Variants in PROM1 observed in about 807,000 individuals in gnomAD.
The protein encoded by PROM1 is prominin 1, also known as prominin-1.
Under a neutral mutation model 116.9 loss-of-function variants are expected in PROM1, and 105 were observed. That is an observed-to-expected ratio of 0.90 (90% CI 0.77 to 1.06). The LOEUF is 1.06. PROM1 is among the 50% of genes least tolerant of loss of function. The pLI is 0.00. For synonymous variants in PROM1, 393 were observed against 387.0 expected, an observed-to-expected ratio of 1.02 and a Z score of -0.18; for missense variants, 1,122 against 1,045.2, an observed-to-expected ratio of 1.07 and a Z score of -1.01.
At chr4:15,989,918 G>A (rs1212074959) in intron 18 of PROM1, 94 bp from the exon 19 acceptor site, 4 of 970,840 alleles carry the variant, frequency 4.1e-6, no homozygotes, top group East Asian at 5.3e-5. Context: ...CAGGAGGGCT[G>A]CCATGACATA....
At chr4:16,044,652 GAATAA>G (rs374240231) in intron 2 of PROM1, among the ~76,000 whole-genome samples, 143 of 152,292 alleles carry the variant, frequency 9.4e-4, no homozygotes, top group African/African-American at 3.2e-3. Flanking sequence ...AAAAGACACA[GAATAA>G]AATAATATTC....
At chr4:16,005,378 A>T (rs1444124626) in intron 13 of PROM1, among the ~76,000 whole-genome samples, 4 of 152,088 alleles carry the variant, frequency 2.6e-5, no homozygotes, top group Non-Finnish European at 5.9e-5. Context: ...TTACGACTCT[A>T]GTTTGTAAAG....
chr4:15,992,104 A>C (rs1577888566), intron 17 of PROM1, 144 bp downstream of exon 17: 1 of 997,060 alleles, frequency 1.0e-6, no homozygotes, highest in East Asian at 2.4e-5. Context: ...CTGTGAATGT[A>C]CTCAATGCCA....
intron 5 of PROM1, among the ~76,000 whole-genome samples, chr4:16,027,160 G>A (rs1183102191): frequency 2.0e-5 from 3 of 152,096 alleles, no homozygotes; most frequent in East Asian, 3.8e-4. Context: ...TGGAATGACC[G>A]CCTTATAATT....
At chr4:16,016,394 A>G (rs1002381809) in intron 9 of PROM1, among the ~76,000 whole-genome samples, 154 bp from the exon 10 acceptor site, 7 of 152,212 alleles carry the variant, frequency 4.6e-5, no homozygotes, top group Non-Finnish European at 7.3e-5. Flanking sequence ...TTATTTCGGA[A>G]AAACACAGCT....
chr4:16,012,624 A>C (rs139692500), intron 11 of PROM1, among the ~76,000 whole-genome samples: 2,239 of 152,140 alleles, frequency 0.015, 61 homozygotes, highest in African/African-American at 0.051. Context: ...TAATCCCAGC[A>C]CTTTGGGAGG....
At chr4:15,997,373 C>T (rs1338992749) in intron 15 of PROM1, among the ~76,000 whole-genome samples, 1 of 146,296 alleles carries the variant, frequency 6.8e-6, no homozygotes, top group Non-Finnish European at 1.5e-5. Context: ...CTGCTTTTGC[C>T]CAGTGGTGAA....
intron 3 of PROM1, among the ~76,000 whole-genome samples, chr4:16,037,531 G>A (rs1734213731): frequency 6.6e-6 from 1 of 152,200 alleles, no homozygotes; most frequent in South Asian, 2.1e-4. Flanking sequence ...CTGAGGTAAC[G>A]ATTCACTGGG....
rs529679212 is a variant in PROM1, at chr4:16,077,573, G to T, written c.-212-1455C>A. Among the ~76,000 whole-genome samples the T allele has an allele frequency of 8.3e-4, 126 of 152,146 alleles. 1 individual carries two copies. The highest frequency in any genetic ancestry group is 3.0e-3 in the African/African-American group (123 of 41,508). The stretch of plus-strand genomic sequence containing the variant: ...GTCTCTGTGTCTTTTTCTTTTCCAA[G>T]TCTCTCGTTCCACCTAACGAGAAAC... On this transcript the variant is annotated intron_variant, in intron 1 of 27. Transcript: ENST00000447510.
intron 16 of PROM1, among the ~76,000 whole-genome samples, chr4:15,993,380 G>A (rs1721533047): frequency 1.3e-5 from 2 of 152,216 alleles, no homozygotes; most frequent in African/African-American, 4.8e-5. Context: ...GGCCTGGGCA[G>A]CTGAAACTCT....
At chr4:16,027,224 T>C (rs1731518235) in intron 5 of PROM1, among the ~76,000 whole-genome samples, 1 of 151,750 alleles carries the variant, frequency 6.6e-6, no homozygotes, top group South Asian at 2.1e-4. Flanking sequence ...GCAATAAGAG[T>C]TATGAAATCA....
In PROM1 at chr4:16,000,582, T is replaced by A; in HGVS notation, c.1492A>T (p.Met498Leu). The A allele has an allele frequency of 6.3e-7, 1 of 1,585,546 alleles. No homozygotes were observed. Reference protein sequence around the residue: ...GLSFLFCWILMIIVVLTFVFG... With the variant: ...GLSFLFCWILLIIVVLTFVFG... Reference sequence around the variant, plus strand: ...ACAAAGGTAAGAACCACAATGATCATCAATATCCAGCAAAAGAGGAAACTT... The same window carrying A: ...ACAAAGGTAAGAACCACAATGATCAACAATATCCAGCAAAAGAGGAAACTT... Residue 498 changes from methionine (M) to leucine (L), a missense_variant, in exon 14 of 28, where the codon ATG becomes TTG. Coordinates refer to ENST00000447510, the MANE Select transcript of PROM1 (RefSeq NM_006017.3).
At chr4:16,052,819 T>C (rs1738201794) in intron 2 of PROM1, among the ~76,000 whole-genome samples, 1 of 152,164 alleles carries the variant, frequency 6.6e-6, no homozygotes, top group South Asian at 2.1e-4. Context: ...CTATGAATGC[T>C]AAAAGCCCTA....
intron 3 of PROM1, among the ~76,000 whole-genome samples, chr4:16,038,343 T>G (rs13117333): frequency 0.13 from 19,525 of 152,300 alleles, 1,646 homozygotes; most frequent in East Asian, 0.3. Context: ...TTCTCATCCC[T>G]CAGCTAAAAG....
At chr4:16,033,722 G>A (rs1733330309) in intron 4 of PROM1, among the ~76,000 whole-genome samples, 1 of 150,736 alleles carries the variant, frequency 6.6e-6, no homozygotes, top group Admixed American at 6.6e-5. Flanking sequence ...CCCGAGTACT[G>A]TATTTTTAGT....
At chr4:16,024,687 G>A (rs939745352) in intron 6 of PROM1, among the ~76,000 whole-genome samples, 48 of 152,076 alleles carry the variant, frequency 3.2e-4, no homozygotes, top group African/African-American at 1.2e-3. Context: ...TTGTGTGTCC[G>A]TGAGTATGTG....
chr4:15,975,994 T>C (rs1365968930), intron 26 of PROM1, among the ~76,000 whole-genome samples: 1 of 152,194 alleles, frequency 6.6e-6, no homozygotes, highest in African/African-American at 2.4e-5. Context: ...AAAATTCAAG[T>C]GTGCTGTGGA....
intron 4 of PROM1, among the ~76,000 whole-genome samples, chr4:16,034,716 T>C (rs1733585968): frequency 6.6e-6 from 1 of 151,842 alleles, no homozygotes; most frequent in South Asian, 2.1e-4. Context: ...AAATGGACAA[T>C]CTAGACAGCT....
At chr4:15,972,638 T>A (rs1055105655) in intron 26 of PROM1, among the ~76,000 whole-genome samples, 5 of 152,166 alleles carry the variant, frequency 3.3e-5, no homozygotes, top group Non-Finnish European at 7.4e-5. Flanking sequence ...TCCTGGAAGC[T>A]CCTGATGTAA....
Sources: gnomAD v4.1 joint callset for allele counts (sites outside exome capture counted in the v4.1 genomes callset) on GRCh38, gnomAD v4.1.1 for gene constraint, MANE v1.5 for transcripts, NCBI Gene and HGNC (gene_info 2026-07-23, HGNC 2026-07-21) for gene names.